Variants in RIMS1 observed in about 807,000 individuals in gnomAD.
RIMS1 encodes the protein regulating synaptic membrane exocytosis 1.
Under a neutral mutation model 214.1 loss-of-function variants are expected in RIMS1, and 83 were observed. That is an observed-to-expected ratio of 0.39 (90% CI 0.32 to 0.47). The LOEUF is 0.47. Ranked by LOEUF, RIMS1 falls within the 20% of genes least tolerant of loss-of-function variation. The pLI is 0.99. For synonymous variants in RIMS1, 793 were observed against 786.8 expected, an observed-to-expected ratio of 1.01 and a Z score of -0.13; for missense variants, 2,050 against 2,161.8, an observed-to-expected ratio of 0.95 and a Z score of 1.03.
At chr6:72,343,166 A>G (rs1433103688) in intron 29 of RIMS1, among the ~76,000 whole-genome samples, 1 of 151,810 alleles carries the variant, frequency 6.6e-6, no homozygotes, top group Non-Finnish European at 1.5e-5. Context: ...TTTGTCTTTC[A>G]AGATTGTCAT....
At chr6:72,094,366 T>A (rs1397961516) in intron 2 of RIMS1, among the ~76,000 whole-genome samples, 1 of 152,176 alleles carries the variant, frequency 6.6e-6, no homozygotes, top group Admixed American at 6.5e-5. Context: ...GAGTAAGGTT[T>A]TATCTCAGTG....
intron 16 of RIMS1, among the ~76,000 whole-genome samples, chr6:72,253,889 C>T (rs542731574): frequency 2.6e-5 from 4 of 152,064 alleles, no homozygotes; most frequent in Admixed American, 6.6e-5. Context: ...TTATTTGAGA[C>T]GGAGTCTCAC....
At chr6:72,305,732 C>T (rs538472910) in intron 26 of RIMS1, among the ~76,000 whole-genome samples, 4 of 152,144 alleles carry the variant, frequency 2.6e-5, no homozygotes, top group African/African-American at 9.6e-5. Flanking sequence ...TGCTCAAGCT[C>T]TCCATTGAAC....
chr6:72,119,108 T>C (rs897613893), intron 4 of RIMS1, among the ~76,000 whole-genome samples: 3 of 151,762 alleles, frequency 2.0e-5, no homozygotes, highest in Non-Finnish European at 2.9e-5. Context: ...CTAGAGCTTA[T>C]AAACGAATTC....
chr6:72,166,536 G>C (rs1397907596), intron 4 of RIMS1, among the ~76,000 whole-genome samples: 2 of 152,036 alleles, frequency 1.3e-5, no homozygotes, highest in African/African-American at 4.8e-5. Context: ...TTATCCTTAT[G>C]AATTTTGGTT....
chr6:72,359,286 T>C (rs777723263), intron 29 of RIMS1, among the ~76,000 whole-genome samples: 3 of 152,208 alleles, frequency 2.0e-5, no homozygotes, highest in Non-Finnish European at 4.4e-5. Flanking sequence ...ATCTTCAGAC[T>C]TTCTTACCAA....
intron 4 of RIMS1, among the ~76,000 whole-genome samples, chr6:72,125,695 G>A (rs1286544753): frequency 1.3e-5 from 2 of 152,186 alleles, no homozygotes; most frequent in African/African-American, 4.8e-5. Context: ...CAGCAATGGT[G>A]GATGCCCCTC....
chr6:71,921,601 C>G (rs1780006640), intron 1 of RIMS1, among the ~76,000 whole-genome samples: 1 of 152,124 alleles, frequency 6.6e-6, no homozygotes, highest in Non-Finnish European at 1.5e-5. Context: ...GGAAGTTTGC[C>G]TACTGAATTA....
At chr6:72,075,437 G>T (rs1406647123) in intron 2 of RIMS1, among the ~76,000 whole-genome samples, 3 of 148,612 alleles carry the variant, frequency 2.0e-5, no homozygotes, top group African/African-American at 7.3e-5. Context: ...AGGAAAAGGG[G>T]GAGATATCCT....
chr6:72,382,683 A>G (rs1311952256), intron 29 of RIMS1, among the ~76,000 whole-genome samples: 6 of 152,176 alleles, frequency 3.9e-5, no homozygotes, highest in Non-Finnish European at 5.9e-5. Flanking sequence ...ACACCTCACT[A>G]TCTTCAATCA....
chr6:72,125,342 C>T (rs912382871), intron 4 of RIMS1, among the ~76,000 whole-genome samples: 4 of 152,138 alleles, frequency 2.6e-5, no homozygotes, highest in African/African-American at 7.2e-5. Context: ...GCTGCCTGAT[C>T]CTTCCTCTGG....
At chr6:71,905,809 C>T (rs1303844580) in intron 1 of RIMS1, among the ~76,000 whole-genome samples, 1 of 151,650 alleles carries the variant, frequency 6.6e-6, no homozygotes, top group Non-Finnish European at 1.5e-5. Flanking sequence ...GGTGTCTTGG[C>T]TCTACACCCT....
intron 1 of RIMS1, among the ~76,000 whole-genome samples, chr6:71,901,948 T>C (rs1436878237): frequency 6.6e-6 from 1 of 151,972 alleles, no homozygotes; most frequent in East Asian, 1.9e-4. Context: ...GGGAGAAAGA[T>C]GAATAAAAAC....
intron 1 of RIMS1, among the ~76,000 whole-genome samples, chr6:71,888,492 C>G (rs575093888): frequency 6.6e-6 from 1 of 152,168 alleles, no homozygotes; most frequent in African/African-American, 2.4e-5. Context: ...TCTCCCCCAC[C>G]CCCTAGAAGT....
At chr6:72,134,823 A>T (rs1436245070) in intron 4 of RIMS1, among the ~76,000 whole-genome samples, 1 of 152,160 alleles carries the variant, frequency 6.6e-6, no homozygotes, top group East Asian at 1.9e-4. Flanking sequence ...CATCTCAAGG[A>T]CAACACACTT....
intron 27 of RIMS1, among the ~76,000 whole-genome samples, chr6:72,308,497 A>C (rs1235087426): frequency 1.3e-5 from 2 of 152,156 alleles, no homozygotes; most frequent in Non-Finnish European, 2.9e-5. Context: ...TATTAGCTTG[A>C]AATATGGACC....
chr6:72,331,156 A>G, intron 28 of RIMS1, among the ~76,000 whole-genome samples: 1 of 151,930 alleles, frequency 6.6e-6, no homozygotes, highest in South Asian at 2.1e-4. Context: ...ATAATAAAAT[A>G]TGATAGTAGA....
intron 2 of RIMS1, among the ~76,000 whole-genome samples, chr6:72,061,594 T>C (rs1266004021): frequency 6.6e-6 from 1 of 152,170 alleles, no homozygotes; most frequent in East Asian, 1.9e-4. Flanking sequence ...AAAGTGTGGG[T>C]ATAGATAAGG....
intron 10 of RIMS1, among the ~76,000 whole-genome samples, chr6:72,244,391 A>G (rs2068421867): frequency 6.6e-6 from 1 of 151,838 alleles, no homozygotes; most frequent in Non-Finnish European, 1.5e-5. Context: ...AGTCACTTTA[A>G]CATATTTTCA....
Sources: gnomAD v4.1 joint callset for allele counts (sites outside exome capture counted in the v4.1 genomes callset) on GRCh38, gnomAD v4.1.1 for gene constraint, MANE v1.5 for transcripts, NCBI Gene and HGNC (gene_info 2026-07-23, HGNC 2026-07-21) for gene names.